The following FNBP1 variants were observed in gnomAD, a reference collection of about 807,000 sequenced individuals.
FNBP1 encodes the protein formin-binding protein 1.
A neutral mutation model predicts 90.6 loss-of-function variants in FNBP1; 26 were observed. The ratio of observed to expected loss-of-function variants is 0.29; its 90% CI spans 0.21 to 0.40. The LOEUF (loss-of-function observed/expected upper bound fraction) is 0.40, where lower values mean the gene tolerates loss of function less well. Ranked by LOEUF, FNBP1 falls within the 10% of genes least tolerant of loss-of-function variation. The pLI, the probability that FNBP1 is intolerant of heterozygous loss-of-function variation, is 1.00. For missense variants in FNBP1, 635 were observed against 768.0 expected (o/e 0.83, Z 2.05); for synonymous variants, 260 against 265.2 (o/e 0.98, Z 0.19).
At chr9:129,974,106 GTC>G (rs2049932990) in intron 4 of FNBP1, among the ~76,000 whole-genome samples, 1 of 152,188 alleles carries the variant, frequency 6.6e-6, no homozygotes, top group African/African-American at 2.4e-5. Flanking sequence ...ACAGGCGTGA[GTC>G]ACCGCGCCCA....
intron 1 of FNBP1, among the ~76,000 whole-genome samples, chr9:130,027,635 T>C (rs1275383861): frequency 6.6e-6 from 1 of 152,122 alleles, no homozygotes; most frequent in East Asian, 1.9e-4. Flanking sequence ...TTTTCTCTGC[T>C]CCATCATTGC....
chr9:129,947,502 C>T (rs1342750663), intron 6 of FNBP1, among the ~76,000 whole-genome samples: 6 of 151,692 alleles, frequency 4.0e-5, no homozygotes, highest in African/African-American at 1.5e-4. Flanking sequence ...AGTCAAGGAT[C>T]GTGTGATTAT....
intron 1 of FNBP1, among the ~76,000 whole-genome samples, chr9:130,015,961 A>G (rs1415431637): frequency 6.6e-6 from 1 of 152,176 alleles, no homozygotes; most frequent in African/African-American, 2.4e-5. Context: ...ATTATTCATG[A>G]AATTAATGTT....
intron 1 of FNBP1, among the ~76,000 whole-genome samples, chr9:130,002,384 C>T (rs2054995368): frequency 6.6e-6 from 1 of 152,100 alleles, no homozygotes; most frequent in Non-Finnish European, 1.5e-5. Context: ...GAGGTGGGGC[C>T]TAATGGGAGG....
intron 4 of FNBP1, among the ~76,000 whole-genome samples, chr9:129,975,548 A>G (rs1012936132): frequency 2.0e-5 from 3 of 152,206 alleles, no homozygotes; most frequent in African/African-American, 7.2e-5. Context: ...ATGACAGACT[A>G]TAAAAAAGTC....
intron 6 of FNBP1, among the ~76,000 whole-genome samples, chr9:129,953,458 C>A (rs2046463243): frequency 6.6e-6 from 1 of 151,660 alleles, no homozygotes; most frequent in Admixed American, 6.6e-5. Flanking sequence ...CCACCGCACT[C>A]CAGCCTGGGT....
rs1311844249 is a variant in FNBP1 at position 130,016,239 on chromosome 9, T to G, written c.25-21281A>C. Among the ~76,000 whole-genome samples the G allele has an allele frequency of 2.0e-5, 3 of 152,170 alleles. No individual in the cohort carries two copies. In the East Asian group the frequency reaches 5.8e-4, roughly 29 times the overall value. On this transcript the variant is annotated intron_variant, in intron 1 of 16. Transcript: ENST00000446176. ...GCAGTGGTACCTGGAGGTGGGCCCT[T>G]TGGGAGGTGATTAGGTCATGAGGGT...
At chr9:129,973,909 C>T (rs946096779) in intron 4 of FNBP1, among the ~76,000 whole-genome samples, 3 of 151,810 alleles carry the variant, frequency 2.0e-5, no homozygotes, top group Non-Finnish European at 2.9e-5. Context: ...CTCCCAGGTT[C>T]GAGCAATTCT....
chr9:129,981,621 T>C lies in FNBP1; in HGVS notation c.141-2247A>G, dbSNP rs565762448. On this transcript the variant is annotated intron_variant, in intron 2 of 16. Coordinates refer to ENST00000446176, the MANE Select transcript of FNBP1 (RefSeq NM_015033.3). ...TGGTTTCATCTGTAACAAATGCTACTAGATGACGGGAGAGGCCACCGGCTT... is the reference window on the plus strand; with the variant it reads ...TGGTTTCATCTGTAACAAATGCTACCAGATGACGGGAGAGGCCACCGGCTT... Among the ~76,000 whole-genome samples the C allele has an allele frequency of 5.9e-5, 9 of 152,200 alleles. No individual in the cohort carries two copies. The South Asian group carries it at 1.7e-3, about 28-fold the overall frequency.
At chr9:130,052,655 A>C in the FNBP1 span, among the ~76,000 whole-genome samples, 2 of 151,840 alleles carry the variant, frequency 1.3e-5, no homozygotes, top group African/African-American at 4.8e-5. Flanking sequence ...GCTGGTCCCG[A>C]ACAACTGACT....
rs994953594 is a variant in FNBP1 at position 129,890,835 on chromosome 9, A to G, written c.1847-289T>C. ...CCATCCGCCCCAACTCGTCTTTCTC[A>G]TAAGTTTAGTTTTGAGAGAAAGTAA... On this transcript the variant is annotated intron_variant, in intron 16 of 16. Transcript: ENST00000446176. The surrounding 1 kb of genome is among the most constrained non-coding windows in gnomAD (Gnocchi z 5.8). Among the ~76,000 whole-genome samples the G allele has an allele frequency of 2.6e-5, 4 of 152,298 alleles. No homozygotes were observed. The highest frequency in any genetic ancestry group is 3.9e-4 in the East Asian group (2 of 5,176).
intron 12 of FNBP1, among the ~76,000 whole-genome samples, chr9:129,905,079 C>A (rs1216218821): frequency 6.6e-6 from 1 of 151,728 alleles, no homozygotes; most frequent in Non-Finnish European, 1.5e-5. Flanking sequence ...GATGTCCTTT[C>A]CGAAACCCGT....
At chr9:129,921,451 T>C (rs1458324855) in intron 10 of FNBP1, among the ~76,000 whole-genome samples, 1 of 151,586 alleles carries the variant, frequency 6.6e-6, no homozygotes, top group African/African-American at 2.4e-5. Context: ...TGGAGTGCAA[T>C]AGCGTGATCT....
rs756342214 is a variant in FNBP1, at chr9:129,914,757, C to CTA, written c.1185+1207_1185+1208dup. 1.2e-3 allele frequency among the ~76,000 whole-genome samples: 134 copies of CTA among 109,968 alleles called. 1 individual carries two copies. The highest frequency in any genetic ancestry group is 2.2e-3 in the Admixed American group (23 of 10,230). The allele number at this position is 109,968 out of a possible 152,430, so 72.1% of individuals were successfully genotyped here. ...AAATTATGTATATACATACATATGTCTATATATATATATATATATATATAT... is the reference window on the plus strand; with the variant it reads ...AAATTATGTATATACATACATATGTCTATATATATATATATATATATATATAT... On this transcript the variant is annotated intron_variant, in intron 11 of 16. Coordinates refer to ENST00000446176, the MANE Select transcript of FNBP1 (RefSeq NM_015033.3).
chr9:129,956,420 TA>T (rs2046952381), intron 6 of FNBP1, among the ~76,000 whole-genome samples: 1 of 152,226 alleles, frequency 6.6e-6, no homozygotes, highest in Admixed American at 6.5e-5. Flanking sequence ...CCTTGTTATG[TA>T]AAAGCCTAAT....
chr9:129,918,317 T>C lies in FNBP1; in HGVS notation c.1171-2337A>G, dbSNP rs72757244. Among the ~76,000 whole-genome samples, 1,481 of 152,354 alleles carry C rather than the reference T, an allele frequency of 9.7e-3. 16 individuals carry two copies. The highest frequency in any genetic ancestry group is 0.037 in the South Asian group (180 of 4,832). On this transcript the variant is annotated intron_variant, in intron 10 of 16. Transcript: ENST00000446176. ...TTATATACTGGTTTTCAGTCTGAAG[T>C]TGTAAGCCAGCCAATTAGAATTTCT...
intron 4 of FNBP1, among the ~76,000 whole-genome samples, 155 bp from the exon 5 acceptor site, chr9:129,958,708 C>T (rs77998122): frequency 0.073 from 11,035 of 151,440 alleles, 490 homozygotes; most frequent in Admixed American, 0.12. Flanking sequence ...TAGCCGGGTG[C>T]GGTGGCTCAC....
intron 13 of FNBP1, among the ~76,000 whole-genome samples, chr9:129,901,387 A>G (rs901696739): frequency 6.6e-6 from 1 of 151,766 alleles, no homozygotes; most frequent in African/African-American, 2.4e-5. Flanking sequence ...AAATACAAAA[A>G]TTAGCTGGGC....
chr9:129,924,830 A>T, intron 9 of FNBP1, 130 bp downstream of exon 9: 1 of 773,300 alleles, frequency 1.3e-6, no homozygotes, highest in Non-Finnish European at 2.1e-6. Context: ...GTCTCAACAT[A>T]AGGTAGCACA....
Sources: gnomAD v4.1 joint callset for allele counts (sites outside exome capture counted in the v4.1 genomes callset) on GRCh38, gnomAD v4.1.1 for gene constraint, Gnocchi (gnomAD v3.1) non-coding constraint, MANE v1.5 for transcripts, NCBI Gene and HGNC (gene_info 2026-07-23, HGNC 2026-07-21) for gene names.